Variants in MMP28 observed in about 807,000 individuals in gnomAD.
MMP28 encodes the protein matrix metalloproteinase-28.
A neutral mutation model predicts 60.5 loss-of-function variants in MMP28; 55 were observed. The ratio of observed to expected loss-of-function variants is 0.91; its 90% CI spans 0.73 to 1.14. The LOEUF is 1.14. Among genes scored for constraint, MMP28 ranks in the 50% most tolerant of loss-of-function variants. The pLI is 0.00. For missense variants in MMP28, 686 were observed against 738.3 expected, an observed-to-expected ratio of 0.93 and a Z score of 0.82; for synonymous variants, 318 against 312.5, an observed-to-expected ratio of 1.02 and a Z score of -0.18.
Position 35,766,776 on chromosome 17 carries a change from G to A in MMP28, c.1287C>T (p.Arg429=). 2 of 1,576,010 alleles carry A rather than the reference G, an allele frequency of 1.3e-6. No individual in the cohort carries two copies. Among genetic ancestry groups the A allele is most frequent in the Non-Finnish European group, 1.7e-6 (2 of 1,161,666 alleles). ...AGCGGGCACCCTTGAAGAGGATGAG[G>A]CGGCGCAGAGGAGGGAAGAAGAGGG... ...DAALFFPPLR[R]LILFKGARYY... Residue 429 remains arginine (R), a synonymous_variant, in exon 8 of 8, where the codon CGC becomes CGT. Transcript: ENST00000605424. The surrounding 1 kb of genome is among the most constrained non-coding windows in gnomAD (Gnocchi z 4.3).
chr17:35,760,840 C>A, intron 2 of MMP28: 1 of 1,411,284 alleles, frequency 7.1e-7, no homozygotes, highest in Non-Finnish European at 9.9e-7. Flanking sequence ...CCCCTTGTGA[C>A]CTAATAGAGG....
In MMP28 at chr17:35,780,547, T is replaced by A. The variant is rs562186967; in HGVS notation, c.112-1224A>T. ...GCTAGGTACAATAAAAAATAAGACA[T>A]CCCTAAACCAGGCACAGTGGCTCAC... On this transcript the variant is annotated intron_variant, in intron 1 of 7. Coordinates refer to ENST00000605424, the MANE Select transcript of MMP28 (RefSeq NM_024302.5). Among the ~76,000 whole-genome samples, 6 of 152,082 alleles carry A rather than the reference T, an allele frequency of 3.9e-5. No homozygotes were observed. The South Asian group carries it at 1.2e-3, about 32-fold the overall frequency.
At chr17:35,767,057 C>A in intron 7 of MMP28, 163 bp from the exon 8 acceptor site, 1 of 758,704 alleles carries the variant, frequency 1.3e-6, no homozygotes, top group Middle Eastern at 2.2e-4. Context: ...TTATAAATAG[C>A]AGGGTGGTAG....
chr17:35,786,205 C>T (rs751001971), intron 1 of MMP28, among the ~76,000 whole-genome samples: 12 of 151,956 alleles, frequency 7.9e-5, no homozygotes, highest in Non-Finnish European at 8.8e-5. Flanking sequence ...TACAGGCGTG[C>T]GCCACTACGC....
rs1326416466 is a variant in MMP28 at position 35,770,274 on chromosome 17, C to T, written c.643G>A (p.Glu215Lys). 1.3e-6 allele frequency: 2 copies of T among 1,565,444 alleles called. No homozygotes were observed. The highest frequency in any genetic ancestry group is 1.8e-5 in the Admixed American group (1 of 54,664). ...CGCTCATCTTGGTCGAAGTGCGCTT[C>T]GCCGCGGCGGGGCAGGAAGGCGTGC... ...LAHAFLPRRGEAHFDQDERWS... is the reference protein window; with the variant it reads ...LAHAFLPRRGKAHFDQDERWS... The change falls in exon 5 of 8, where the codon GAA becomes AAA. Residue 215 changes from glutamate to lysine, a missense_variant. Glu to Lys is a moderately conservative substitution (Grantham distance 56, BLOSUM62 1). Coordinates refer to ENST00000605424, the MANE Select transcript of MMP28 (RefSeq NM_024302.5).
chr17:35,769,459 C>T (rs937563444), intron 5 of MMP28, among the ~76,000 whole-genome samples: 3 of 152,184 alleles, frequency 2.0e-5, no homozygotes, highest in African/African-American at 7.2e-5. Flanking sequence ...TGGAAGGTGA[C>T]TTGAACCCAG....
Position 35,770,378 on chromosome 17 carries a change from G to C in MMP28, c.605-66C>G. The C allele has an allele frequency of 2.1e-6, 3 of 1,440,000 alleles. No homozygotes were observed. In the East Asian group the frequency reaches 7.6e-5, roughly 36 times the overall value. The allele number at this position is 1,440,000 out of a possible 1,614,324, so 89.2% of individuals were successfully genotyped here. On this transcript the variant is annotated intron_variant, in intron 4 of 7. Coordinates refer to ENST00000605424, the MANE Select transcript of MMP28 (RefSeq NM_024302.5). Reference sequence around the variant, plus strand: ...GACGCCCCCAGGTACTCGCGGCCCAGCGCAAATGCCACTGGGGTGTGTGTG... The same window carrying C: ...GACGCCCCCAGGTACTCGCGGCCCACCGCAAATGCCACTGGGGTGTGTGTG...
At chr17:35,790,303 G>T (rs1003939739) in intron 1 of MMP28, among the ~76,000 whole-genome samples, 19 of 151,964 alleles carry the variant, frequency 1.3e-4, no homozygotes, top group African/African-American at 4.1e-4. Context: ...GACCTCAAAT[G>T]ATCCTCCTGC....
At position 35,773,475 on chromosome 17, in the gene MMP28, G is replaced by T. The variant is rs539048118; in HGVS notation, c.380-71C>A. 1.8e-4 allele frequency: 249 copies of T among 1,357,368 alleles called. No individual in the cohort carries two copies. In the African/African-American group the frequency reaches 2.2e-3, roughly 12 times the overall value. 84.1% of individuals were successfully genotyped at this position (1,357,368 alleles called of 1,614,324 possible). A position where few individuals can be genotyped will look rare whatever the true frequency, so the allele number is the denominator to read the frequency against. ...GAGTCTGGTCCCCACAGACCCAGTA[G>T]GATGGCGAGGGGTAGGCCCTCCCCC... On this transcript the variant is annotated intron_variant, in intron 3 of 7. Transcript: ENST00000605424.
chr17:35,789,237 TAC>T (rs2086741034), intron 1 of MMP28, among the ~76,000 whole-genome samples: 3 of 152,032 alleles, frequency 2.0e-5, no homozygotes, highest in Admixed American at 2.0e-4. Flanking sequence ...ATGATGTATA[TAC>T]ACACACAGGC....
At chr17:35,767,153 T>C (rs2085972932) in intron 7 of MMP28, 1 of 688,658 alleles carries the variant, frequency 1.5e-6, no homozygotes, top group Non-Finnish European at 2.6e-6. Context: ...CAGAGCTTTC[T>C]CCACTGCCAT....
At position 35,770,430 on chromosome 17, in the gene MMP28, C is replaced by T. The variant is rs2086097371; in HGVS notation, c.605-118G>A. 6 of 1,331,818 alleles carry T rather than the reference C, an allele frequency of 4.5e-6. No individual in the cohort carries two copies. In the South Asian group the frequency reaches 6.2e-5, roughly 14 times the overall value. 82.5% of individuals were successfully genotyped at this position (1,331,818 alleles called of 1,614,324 possible). On this transcript the variant is annotated intron_variant, in intron 4 of 7. Transcript: ENST00000605424. The stretch of plus-strand genomic sequence containing the variant: ...CTGTTCTCTGCTGTATAGTTTCCCT[C>T]CTAAAATCTGGCAGAACCTGAAGTG...
chr17:35,764,765 C>T, downstream of MMP28: 1 of 841,640 alleles, frequency 1.2e-6, no homozygotes. Flanking sequence ...CCCCATCCGT[C>T]AAGAAGGCCC....
chr17:35,766,356 G>C lies in MMP28; in HGVS notation c.*144C>G. The C allele has an allele frequency of 7.0e-7, 1 of 1,424,020 alleles. No homozygotes were observed. The highest frequency in any genetic ancestry group is 9.2e-7 in the Non-Finnish European group (1 of 1,091,798). The allele number at this position is 1,424,020 out of a possible 1,614,324, so 88.2% of individuals were successfully genotyped here. ...AATGCTGCATTCTTCAAGGAACAAA[G>C]GCAGACAGACTTCCAGATGGAGGCT... On this transcript the variant is annotated 3_prime_UTR_variant, in exon 8 of 8. Transcript: ENST00000605424. The surrounding 1 kb of genome is among the most constrained non-coding windows in gnomAD (Gnocchi z 4.3).
At chr17:35,779,384 AG>A (rs770556355) in intron 1 of MMP28, 61 bp from the exon 2 acceptor site, 1 of 1,376,896 alleles carries the variant, frequency 7.3e-7, no homozygotes, top group Non-Finnish European at 1.0e-6. Flanking sequence ...TTGGTCCCCA[AG>A]GGCCCAGGGC....
At chr17:35,792,855 T>C (rs1224526340) in intron 1 of MMP28, among the ~76,000 whole-genome samples, 1 of 152,212 alleles carries the variant, frequency 6.6e-6, no homozygotes, top group Non-Finnish European at 1.5e-5. Context: ...ACATATGTTA[T>C]TTCAATGAAA....
At position 35,779,011 on chromosome 17, in the gene MMP28, T is replaced by C. The variant is rs2086417533; in HGVS notation, c.256A>G (p.Met86Val). Residue 86 changes from methionine to valine, a missense_variant, in exon 3 of 8, where the codon ATG (methionine) becomes GTG (valine). By Grantham distance (21) the Met-to-Val change is conservative (BLOSUM62 1). Coordinates refer to ENST00000605424, the MANE Select transcript of MMP28 (RefSeq NM_024302.5). ...GVLDRATLRQ[M>V]TRPRCGVTDT... ...GTAACCCCGCAGCGGGGACGAGTCA[T>C]CTGGCGCAGGGTGGCGCGGTCCAAC... 2 of 1,614,048 alleles carry C rather than the reference T, an allele frequency of 1.2e-6. No individual in the cohort carries two copies. The highest frequency in any genetic ancestry group is 8.5e-7 in the Non-Finnish European group (1 of 1,179,904).
downstream of MMP28, chr17:35,765,766 C>A (rs532238137): frequency 2.9e-5 from 24 of 825,230 alleles, no homozygotes; most frequent in Non-Finnish European, 3.5e-5. Flanking sequence ...AGCTGCCTAG[C>A]CCTGGCTTGG....
In MMP28 at chr17:35,773,198, T is replaced by G. The variant is rs2086215328; in HGVS notation, c.586A>C (p.Asn196His). 6.2e-7 allele frequency: 1 copy of G among 1,613,922 alleles called. No homozygotes were observed. Among genetic ancestry groups the G allele is most frequent in the Admixed American group, 1.7e-5 (1 of 60,008 alleles). Reference protein sequence around the residue: ...FQGDHNDGLGNAFDGPGGALA... With the variant: ...FQGDHNDGLGHAFDGPGGALA... ...CCAGCACCTGGGCCATCAAAGGCAT[T>G]GCCCAGCCCATCGTTGTGGTCCCCT... Residue 196 changes from asparagine to histidine, a missense_variant, in exon 4 of 8, where the codon AAT becomes CAT. By Grantham distance (68) the Asn-to-His change is moderately conservative. Coordinates refer to ENST00000605424, the MANE Select transcript of MMP28 (RefSeq NM_024302.5).
Sources: allele counts gnomAD v4.1 joint callset (sites outside exome capture counted in the v4.1 genomes callset), GRCh38; gene constraint gnomAD v4.1.1; non-coding constraint Gnocchi (gnomAD v3.1); transcripts MANE v1.5; gene names NCBI Gene and HGNC (gene_info 2026-07-23, HGNC 2026-07-21).